The following AGBL1 variants were observed in gnomAD, a reference collection of about 807,000 sequenced individuals.
AGBL1 encodes the protein AGBL carboxypeptidase 1.
AGBL1 carries 130 observed loss-of-function variants against 118.9 expected under a neutral mutation model. The ratio of observed to expected loss-of-function variants is 1.09; its 90% CI spans 0.95 to 1.26. AGBL1 has a LOEUF of 1.26. Among genes scored for constraint, AGBL1 ranks in the 50% most tolerant of loss-of-function variants. AGBL1 has a pLI of 0.00. For missense variants in AGBL1, 1,584 were observed against 1,298.1 expected, an observed-to-expected ratio of 1.22 and a Z score of -3.38; for synonymous variants, 555 against 478.9, an observed-to-expected ratio of 1.16 and a Z score of -2.08.
chr15:86,415,972 G>A (rs965074710), intron 18 of AGBL1, among the ~76,000 whole-genome samples: 4 of 152,114 alleles, frequency 2.6e-5, no homozygotes, highest in Non-Finnish European at 4.4e-5. Context: ...ATTTTCACAT[G>A]ACTTTTTTTT....
chr15:86,873,115 G>T (rs1362621677), intron 22 of AGBL1, among the ~76,000 whole-genome samples: 1 of 152,174 alleles, frequency 6.6e-6, no homozygotes, highest in Non-Finnish European at 1.5e-5. Context: ...TTCACTGGTG[G>T]TTTCTTTTCA....
chr15:86,494,369 G>A (rs758223717), intron 18 of AGBL1, among the ~76,000 whole-genome samples: 1 of 152,024 alleles, frequency 6.6e-6, no homozygotes, highest in Admixed American at 6.6e-5. Context: ...CTTATAAAGT[G>A]TAGAATTTTG....
chr15:86,459,774 C>G (rs1272021152), intron 18 of AGBL1, among the ~76,000 whole-genome samples: 1 of 152,098 alleles, frequency 6.6e-6, no homozygotes, highest in African/African-American at 2.4e-5. Context: ...GGTATATTCT[C>G]AAGTCCTACC....
intron 21 of AGBL1, among the ~76,000 whole-genome samples, chr15:86,556,557 T>C (rs1176137637): frequency 2.6e-5 from 4 of 152,212 alleles, no homozygotes; most frequent in African/African-American, 7.2e-5. Context: ...TAATTTTACA[T>C]ATGGGGGGGC....
intron 22 of AGBL1, among the ~76,000 whole-genome samples, chr15:86,849,069 A>T (rs1050255780): frequency 6.6e-6 from 1 of 152,226 alleles, no homozygotes; most frequent in African/African-American, 2.4e-5. Flanking sequence ...TTGATTGAAT[A>T]TGCAGGGCTA....
chr15:86,561,214 G>T (rs1226569232), intron 21 of AGBL1, among the ~76,000 whole-genome samples: 1 of 152,154 alleles, frequency 6.6e-6, no homozygotes, highest in Non-Finnish European at 1.5e-5. Flanking sequence ...CCTTGCCCAC[G>T]CCTATGTCCT....
At chr15:86,667,637 C>T (rs12148390) in intron 21 of AGBL1, among the ~76,000 whole-genome samples, 62,544 of 151,698 alleles carry the variant, frequency 0.41, 13,296 homozygotes, top group East Asian at 0.7. Context: ...GATATGTAAA[C>T]TCAGATATTT....
intron 21 of AGBL1, among the ~76,000 whole-genome samples, chr15:86,606,743 C>T (rs2084582817): frequency 6.6e-6 from 1 of 152,182 alleles, no homozygotes; most frequent in African/African-American, 2.4e-5. Context: ...TTTCTCTCCT[C>T]CCAGCTTCCC....
chr15:86,277,660 G>T (rs940889667), intron 15 of AGBL1, among the ~76,000 whole-genome samples: 27 of 152,152 alleles, frequency 1.8e-4, no homozygotes, highest in African/African-American at 6.5e-4. Context: ...AGTGCAGTGG[G>T]GAACCTAAAA....
chr15:86,984,703 G>C (rs975423007), intron 23 of AGBL1, among the ~76,000 whole-genome samples: 10 of 152,014 alleles, frequency 6.6e-5, no homozygotes, highest in African/African-American at 2.2e-4. Context: ...CCTTCATATA[G>C]TTGGGAGACA....
intron 3 of AGBL1, among the ~76,000 whole-genome samples, chr15:86,147,302 G>A (rs1011587662): frequency 6.6e-5 from 10 of 152,198 alleles, no homozygotes; most frequent in African/African-American, 2.2e-4. Context: ...GCTGAAGCAG[G>A]GCAGGGCGTC....
chr15:86,280,955 G>A (rs564393890), intron 16 of AGBL1, among the ~76,000 whole-genome samples: 42 of 152,274 alleles, frequency 2.8e-4, no homozygotes, highest in African/African-American at 8.7e-4. Context: ...AGTAATGTGC[G>A]TTGCAAGCTA....
chr15:86,618,297 C>T (rs1596312877), intron 21 of AGBL1, among the ~76,000 whole-genome samples: 1 of 152,136 alleles, frequency 6.6e-6, no homozygotes, highest in African/African-American at 2.4e-5. Context: ...AACTTATTTG[C>T]AAGCCATTAG....
At chr15:86,803,563 T>G (rs1300280769) in intron 22 of AGBL1, among the ~76,000 whole-genome samples, 1 of 152,184 alleles carries the variant, frequency 6.6e-6, no homozygotes, top group East Asian at 1.9e-4. Context: ...AACTCTGGCA[T>G]CTCATGAGTG....
rs372417529 is a variant in AGBL1 at position 86,256,906 on chromosome 15, C to T, written c.789C>T (p.Ile263=). 20 of 1,613,802 alleles carry T rather than the reference C, an allele frequency of 1.2e-5. No homozygotes were observed. In the Middle Eastern group the frequency reaches 4.9e-4, roughly 40 times the overall value. ...CCGTCATCTCTGTGGTGCTTCAGAT[C>T]CTGAGGCAGTGCTACCCTACGAGTC... ...MEPVISVVLQ[I]LRQCYPTSPL... The change falls in exon 8 of 23, where the codon ATC becomes ATT. Residue 263 remains isoleucine (I), a synonymous_variant. Coordinates refer to ENST00000614907, the MANE Select transcript of AGBL1 (RefSeq NM_001386094.1).
At chr15:86,936,829 T>C (rs1429401975) in intron 23 of AGBL1, among the ~76,000 whole-genome samples, 1 of 152,184 alleles carries the variant, frequency 6.6e-6, no homozygotes, top group Non-Finnish European at 1.5e-5. Flanking sequence ...TAAGAGCTTC[T>C]GCACAGAAAA....
chr15:86,862,577 C>T (rs189653410), intron 22 of AGBL1, among the ~76,000 whole-genome samples: 18 of 152,080 alleles, frequency 1.2e-4, no homozygotes, highest in Non-Finnish European at 1.8e-4. Context: ...AAAAATTAGC[C>T]GGGCGTGATG....
At chr15:86,341,576 G>A (rs79706929) in intron 17 of AGBL1, among the ~76,000 whole-genome samples, 22 of 152,256 alleles carry the variant, frequency 1.4e-4, no homozygotes, top group African/African-American at 5.1e-4. Flanking sequence ...CAGTCCTCAG[G>A]TGCCTTTTAA....
At chr15:86,865,981 T>A (rs779390190) in intron 22 of AGBL1, among the ~76,000 whole-genome samples, 3 of 152,228 alleles carry the variant, frequency 2.0e-5, no homozygotes, top group Non-Finnish European at 2.9e-5. Flanking sequence ...GTTATCATTA[T>A]CATTTTCATT....
Sources: allele counts gnomAD v4.1 joint callset (sites outside exome capture counted in the v4.1 genomes callset), GRCh38; gene constraint gnomAD v4.1.1; transcripts MANE v1.5; gene names NCBI Gene and HGNC (gene_info 2026-07-23, HGNC 2026-07-21).